FOXO3: variants seen among roughly 807,000 people sequenced by gnomAD.
The protein encoded by FOXO3 is forkhead box O3, also known as forkhead box protein O3.
Under a neutral mutation model 41.9 loss-of-function variants are expected in FOXO3, and 4 were observed. The observed-to-expected ratio is 0.10, with a 90% CI of 0.05 to 0.22. FOXO3 has a LOEUF of 0.22. Ranked by LOEUF, FOXO3 falls within the 10% of genes least tolerant of loss-of-function variation. FOXO3 has a pLI of 1.00. For missense variants in FOXO3, 534 were observed against 906.8 expected, an observed-to-expected ratio of 0.59 and a Z score of 5.28; for synonymous variants, 318 against 389.3, an observed-to-expected ratio of 0.82 and a Z score of 2.16.
intron 1 of FOXO3, among the ~76,000 whole-genome samples, chr6:108,572,015 A>G (rs1776116699): frequency 6.6e-6 from 1 of 152,198 alleles, no homozygotes. Context: ...TTTCCCAGTT[A>G]GAGCTACTAG....
At chr6:108,588,695 A>C (rs1776652948) in intron 1 of FOXO3, among the ~76,000 whole-genome samples, 1 of 152,206 alleles carries the variant, frequency 6.6e-6, no homozygotes, top group Non-Finnish European at 1.5e-5. Flanking sequence ...TGCCTCGCTG[A>C]CTGGGAAACA....
At chr6:108,584,418 G>A (rs953611586) in intron 1 of FOXO3, among the ~76,000 whole-genome samples, 8 of 152,066 alleles carry the variant, frequency 5.3e-5, no homozygotes, top group Admixed American at 3.9e-4. Flanking sequence ...CAGAAGTTTT[G>A]CAACCCTCAA....
chr6:108,583,412 A>G (rs1304558716), intron 1 of FOXO3, among the ~76,000 whole-genome samples: 1 of 152,178 alleles, frequency 6.6e-6, no homozygotes, highest in African/African-American at 2.4e-5. Flanking sequence ...GATGGTTGTG[A>G]CTTTGGGAAA....
Position 108,604,111 on chromosome 6 carries a change from G to A in FOXO3, c.621+42282G>A, listed in dbSNP as rs370742748. Among the ~76,000 whole-genome samples the A allele has an allele frequency of 7.2e-5, 11 of 152,252 alleles. No individual in the cohort carries two copies. In the South Asian group the frequency reaches 2.1e-3, roughly 29 times the overall value. On this transcript the variant is annotated intron_variant, in intron 1 of 2. Transcript: ENST00000406360. ...TCTAATGTGAGTGGTTGGAAGGAAA[G>A]GAGGCAGCATCAGGCACAATTTATT...
In FOXO3 at chr6:108,586,183, G is replaced by A. The variant is rs139021029; in HGVS notation, c.621+24354G>A. Among the ~76,000 whole-genome samples the A allele has an allele frequency of 5.9e-4, 90 of 152,288 alleles. 1 individual carries two copies. Among genetic ancestry groups the A allele is most frequent in the African/African-American group, 2.0e-3 (84 of 41,552 alleles). On this transcript the variant is annotated intron_variant, in intron 1 of 2. Transcript: ENST00000406360. ...TTAAGAGATGAAGCCTGAGGGTGAA[G>A]GACAACATAGTACTTGACAGGCACC...
chr6:108,669,599 A>G (rs1779156438), intron 2 of FOXO3, among the ~76,000 whole-genome samples: 1 of 152,210 alleles, frequency 6.6e-6, no homozygotes, highest in Non-Finnish European at 1.5e-5. Flanking sequence ...TTTTAAAAAA[A>G]GCCGAAAGTC....
At chr6:108,671,640 T>C (rs760807704) in intron 2 of FOXO3, among the ~76,000 whole-genome samples, 66 of 152,234 alleles carry the variant, frequency 4.3e-4, no homozygotes, top group Non-Finnish European at 7.8e-4. Flanking sequence ...TAATGTTTAT[T>C]GTGATTTAAA....
chr6:108,618,525 T>C lies in FOXO3; in HGVS notation c.622-44930T>C, dbSNP rs570590527. 1.4e-4 allele frequency among the ~76,000 whole-genome samples: 22 copies of C among 152,362 alleles called. No homozygotes were observed. In the South Asian group the frequency reaches 4.1e-3, roughly 29 times the overall value. On this transcript the variant is annotated intron_variant, in intron 1 of 2. Transcript: ENST00000406360. The stretch of plus-strand genomic sequence containing the variant: ...CAGTGGTATCGTTTTGAAGCTAGCA[T>C]GTAAACTTTGTTAGGCTGGCTCCAG...
Position 108,681,985 on chromosome 6 carries a change from G to A in FOXO3, c.*2193G>A, listed in dbSNP as rs1347660227. The stretch of plus-strand genomic sequence containing the variant: ...AGGCACTAGTAGCATGGGGGCTAGA[G>A]TGGGGAGCGAGATGTAAAAGGGTGG... On this transcript the variant is annotated 3_prime_UTR_variant, in exon 3 of 3. Transcript: ENST00000406360. 1 of 152,206 alleles carries A rather than the reference G, an allele frequency of 6.6e-6. No individual in the cohort carries two copies. The highest frequency in any genetic ancestry group is 6.5e-5 in the Admixed American group (1 of 15,274). 9.4% of individuals were successfully genotyped at this position (152,206 alleles called of 1,614,324 possible). A position where few individuals can be genotyped will look rare whatever the true frequency, so the allele number is the denominator to read the frequency against.
At chr6:108,601,723 A>C (rs1390511633) in intron 1 of FOXO3, among the ~76,000 whole-genome samples, 1 of 152,246 alleles carries the variant, frequency 6.6e-6, no homozygotes, top group Non-Finnish European at 1.5e-5. Flanking sequence ...ATGTTACATA[A>C]GTGATCATGT....
In FOXO3 at chr6:108,561,661, G is replaced by C. The variant is rs1775794091; in HGVS notation, c.453G>C (p.Ser151=). 1 of 1,600,036 alleles carries C rather than the reference G, an allele frequency of 6.2e-7. No homozygotes were observed. Among genetic ancestry groups the C allele is most frequent in the African/African-American group, 1.3e-5 (1 of 74,278 alleles). ...GCTCCGGGCAGCCGAGGAAATGTTC[G>C]TCGCGGCGGAACGCCTGGGGAAACC... ...AGGSGQPRKC[S]SRRNAWGNLS... The change falls in exon 1 of 3, where the codon TCG becomes TCC. Residue 151 remains serine (S), a synonymous_variant. Coordinates refer to ENST00000406360, the MANE Select transcript of FOXO3 (RefSeq NM_001455.4).
intron 1 of FOXO3, among the ~76,000 whole-genome samples, chr6:108,626,379 C>T (rs755353620): frequency 2.6e-4 from 40 of 152,138 alleles, no homozygotes; most frequent in African/African-American, 7.7e-4. Flanking sequence ...AGCAAGTGGA[C>T]GCTGTTTTCT....
chr6:108,587,063 GGCCTCTCAAAGT>G (rs956688377), intron 1 of FOXO3, among the ~76,000 whole-genome samples: 1 of 151,038 alleles, frequency 6.6e-6, no homozygotes, highest in African/African-American at 2.4e-5. Context: ...CTCTCACCTT[GGCCTCTCAAAGT>G]GCCTCTCAAA....
intron 1 of FOXO3, among the ~76,000 whole-genome samples, chr6:108,657,085 C>T (rs1010715748): frequency 5.9e-5 from 9 of 152,222 alleles, no homozygotes; most frequent in African/African-American, 1.9e-4. Context: ...TGATTAACTA[C>T]ACCTAACGGG....
At chr6:108,635,041 G>A (rs1451835558) in intron 1 of FOXO3, among the ~76,000 whole-genome samples, 2 of 151,696 alleles carry the variant, frequency 1.3e-5, no homozygotes, top group African/African-American at 4.8e-5. Context: ...GCTCACACCT[G>A]TAATCCCAGC....
At chr6:108,583,442 G>A (rs1776485970) in intron 1 of FOXO3, among the ~76,000 whole-genome samples, 1 of 152,230 alleles carries the variant, frequency 6.6e-6, no homozygotes, top group Admixed American at 6.5e-5. Flanking sequence ...TGCATGTAAT[G>A]TTTCCAAGAA....
At chr6:108,661,072 G>A (rs993452980) in intron 1 of FOXO3, among the ~76,000 whole-genome samples, 5 of 151,670 alleles carry the variant, frequency 3.3e-5, no homozygotes, top group Admixed American at 3.3e-4. Flanking sequence ...ATAAAAAAAA[G>A]AAAATACGAA....
In FOXO3 at chr6:108,561,508, G is replaced by A. The variant is rs778404787; in HGVS notation, c.300G>A (p.Val100=). The A allele has an allele frequency of 1.2e-5, 18 of 1,451,744 alleles. No individual in the cohort carries two copies. The South Asian group carries it at 2.3e-4, about 19-fold the overall frequency. The allele number at this position is 1,451,744 out of a possible 1,614,324, so 89.9% of individuals were successfully genotyped here. A position where few individuals can be genotyped will look rare whatever the true frequency, so the allele number is the denominator to read the frequency against. ...SGLLLEDSAR[V]LAPGGQDPGS... is the part of the protein sequence containing the mutation. ...TGCTCCTTGAGGACTCGGCCCGGGT[G>A]CTGGCACCCGGAGGGCAAGACCCCG... Residue 100 remains valine, a synonymous_variant, in exon 1 of 3, where the codon GTG becomes GTA. Transcript: ENST00000406360.
At chr6:108,634,075 G>A (rs1270671534) in intron 1 of FOXO3, among the ~76,000 whole-genome samples, 2 of 152,166 alleles carry the variant, frequency 1.3e-5, no homozygotes, top group African/African-American at 2.4e-5. Context: ...GGTCCAATAT[G>A]TGGTTTCATT....
Sources: allele counts gnomAD v4.1 joint callset (sites outside exome capture counted in the v4.1 genomes callset), GRCh38; gene constraint gnomAD v4.1.1; transcripts MANE v1.5; gene names NCBI Gene and HGNC (gene_info 2026-07-23, HGNC 2026-07-21).